Variants in CDH23 observed in about 807,000 individuals in gnomAD.
The protein encoded by CDH23 is cadherin-23.
Under a neutral mutation model 317.1 loss-of-function variants are expected in CDH23, and 189 were observed. That is an observed-to-expected ratio of 0.60 (90% CI 0.53 to 0.67). The LOEUF (loss-of-function observed/expected upper bound fraction) is 0.67, where lower values mean the gene tolerates loss of function less well. Ranked by LOEUF, CDH23 falls within the 30% of genes least tolerant of loss-of-function variation. CDH23 has a pLI of 0.00. For synonymous variants in CDH23, 1,839 were observed against 1,876.8 expected (o/e 0.98, Z 0.52); for missense variants, 4,401 against 4,592.4 (o/e 0.96, Z 1.20).
rs775091135 is a variant in CDH23 at position 71,617,321 on chromosome 10, C to T, written c.1062C>T (p.Ser354=). The change falls in exon 11 of 70, where the codon AGC becomes AGT. Residue 354 remains serine, a synonymous_variant. Coordinates refer to ENST00000224721, the MANE Select transcript of CDH23 (RefSeq NM_022124.6). ...CGGAGTTCAACAGCTCCGAGTACAG[C>T]GTGGCCATCACTGAGCTGGCACAGG... ...NAPEFNSSEY[S]VAITELAQVG... 53 of 1,613,986 alleles carry T rather than the reference C, an allele frequency of 3.3e-5. No homozygotes were observed. The highest frequency in any genetic ancestry group is 1.0e-4 in the Admixed American group (6 of 60,022).
intron 9 of CDH23, among the ~76,000 whole-genome samples, chr10:71,612,351 C>T (rs1211203220): frequency 6.6e-6 from 1 of 151,622 alleles, no homozygotes; most frequent in Non-Finnish European, 1.5e-5. Context: ...CATGGGGTGT[C>T]TTATGTGCTG....
At chr10:71,760,101 A>G (rs898085761) in intron 38 of CDH23, among the ~76,000 whole-genome samples, 3 of 134,018 alleles carry the variant, frequency 2.2e-5, no homozygotes, top group Non-Finnish European at 4.9e-5. Context: ...ATACACACAC[A>G]CATACATACA....
At chr10:71,709,350 A>C in intron 27 of CDH23, 139 bp downstream of exon 27, 2 of 685,692 alleles carry the variant, frequency 2.9e-6, no homozygotes, top group Non-Finnish European at 4.9e-6. Flanking sequence ...CACTCACCAA[A>C]CATTACTCAG....
chr10:71,400,598 G>A (rs909058756), intron 1 of CDH23, among the ~76,000 whole-genome samples: 6 of 152,306 alleles, frequency 3.9e-5, no homozygotes, highest in African/African-American at 1.4e-4. Context: ...CCAGGAGTTT[G>A]AGACCAGCTT....
chr10:71,727,848 A>G (rs1866886008), intron 30 of CDH23, among the ~76,000 whole-genome samples: 1 of 152,226 alleles, frequency 6.6e-6, no homozygotes, highest in South Asian at 2.1e-4. Context: ...CCACTTGCTC[A>G]GCAAGAACCT....
chr10:71,487,441 A>G (rs114740379), intron 3 of CDH23, among the ~76,000 whole-genome samples: 1,613 of 152,260 alleles, frequency 0.011, 21 homozygotes, highest in African/African-American at 0.031. Flanking sequence ...GCTTACATGG[A>G]CGTGACATAA....
At chr10:71,649,822 G>A (rs1019708404) in intron 14 of CDH23, among the ~76,000 whole-genome samples, 1 of 152,248 alleles carries the variant, frequency 6.6e-6, no homozygotes, top group African/African-American at 2.4e-5. Flanking sequence ...AGGGCCAACT[G>A]TATCTCTAAC....
intron 17 of CDH23, 99 bp from the exon 18 acceptor site, chr10:71,682,346 C>A (rs1564729600): frequency 1.3e-5 from 19 of 1,485,460 alleles, no homozygotes; most frequent in Admixed American, 5.9e-5. Flanking sequence ...CTGGCCCGGG[C>A]CATGCCAGCC....
chr10:71,741,947 A>T (rs927338937), intron 38 of CDH23, 26 bp downstream of exon 38: 5 of 1,541,404 alleles, frequency 3.2e-6, no homozygotes, highest in Non-Finnish European at 4.4e-6. Flanking sequence ...GGCCACAGGG[A>T]GGAGCGGGTG....
At chr10:71,463,774 G>A (rs757510107) in intron 3 of CDH23, among the ~76,000 whole-genome samples, 27 of 152,162 alleles carry the variant, frequency 1.8e-4, no homozygotes, top group Non-Finnish European at 1.5e-4. Flanking sequence ...GAAATTTGTC[G>A]GCTGAGTTTC....
chr10:71,560,062 C>T (rs955550378), intron 6 of CDH23, among the ~76,000 whole-genome samples: 1 of 152,342 alleles, frequency 6.6e-6, no homozygotes, highest in East Asian at 1.9e-4. Context: ...GAGAAAGAAA[C>T]ATAGCCCACC....
At position 71,815,041 on chromosome 10, in the gene CDH23, C is replaced by T. The variant is rs1312786837; in HGVS notation, c.9828C>T (p.Leu3276=). Residue 3276 remains leucine (L), a synonymous_variant, in exon 70 of 70, where the codon CTC becomes CTT. Transcript: ENST00000224721. ...LRFRHKPPVE[L]KGPDGIHVVH... ...TCCGCCACAAGCCACCAGTGGAGCT[C>T]AAGGGGCCCGATGGGATCCATGTGG... The T allele has an allele frequency of 6.2e-7, 1 of 1,612,566 alleles. No homozygotes were observed. Among genetic ancestry groups the T allele is most frequent in the African/African-American group, 1.3e-5 (1 of 74,944 alleles).
Position 71,646,605 on chromosome 10 carries a change from G to GCTGA in CDH23, c.1439_1442dup (p.Val482AspfsTer6). 6.2e-7 allele frequency: 1 copy of GCTGA among 1,614,026 alleles called. No homozygotes were observed. The highest frequency in any genetic ancestry group is 8.5e-7 in the Non-Finnish European group (1 of 1,179,900). On this transcript the variant is annotated frameshift_variant, in exon 14 of 70. Coordinates refer to ENST00000224721, the MANE Select transcript of CDH23 (RefSeq NM_022124.6). LOFTEE classifies it high-confidence loss of function. ...AGAACGTCACCGTGGGGACCTCTGT[G>GCTGA]CTGACAGTCCTGGTGAGTCCCCGCT...
intron 38 of CDH23, 53 bp downstream of exon 38, chr10:71,741,974 C>A (rs758838513): frequency 1.8e-5 from 25 of 1,406,112 alleles, no homozygotes; most frequent in South Asian, 5.3e-5. Flanking sequence ...GGCAGCTCCG[C>A]CTCCGAGTGA....
chr10:71,656,914 C>T (rs1055207000), intron 14 of CDH23, among the ~76,000 whole-genome samples: 2 of 151,870 alleles, frequency 1.3e-5, no homozygotes, highest in Admixed American at 6.6e-5. Flanking sequence ...GGAGAATAGG[C>T]GGGGGGTAGG....
At chr10:71,581,641 C>A (rs962347949) in intron 9 of CDH23, among the ~76,000 whole-genome samples, 3 of 152,368 alleles carry the variant, frequency 2.0e-5, no homozygotes, top group Admixed American at 6.5e-5. Context: ...GTTCTCAGCC[C>A]TTTGTGGCCA....
chr10:71,752,658 C>T (rs969564993), intron 38 of CDH23, among the ~76,000 whole-genome samples: 6 of 152,168 alleles, frequency 3.9e-5, no homozygotes, highest in African/African-American at 1.4e-4. Flanking sequence ...GGGGCTGGGC[C>T]CGCTGGCCTC....
At chr10:71,447,360 C>T (rs1182944991) in intron 3 of CDH23, among the ~76,000 whole-genome samples, 1 of 152,158 alleles carries the variant, frequency 6.6e-6, no homozygotes, top group East Asian at 1.9e-4. Context: ...CATAATTCTT[C>T]AACGATCTCT....
At chr10:71,679,302 C>A in intron 16 of CDH23, 85 bp from the exon 17 acceptor site, 3 of 894,332 alleles carry the variant, frequency 3.4e-6, no homozygotes, top group Non-Finnish European at 5.5e-6. Context: ...CAGGGCCAGT[C>A]TTCCCCACCC....
Sources: gnomAD v4.1 joint callset for allele counts (sites outside exome capture counted in the v4.1 genomes callset) on GRCh38, gnomAD v4.1.1 for gene constraint, MANE v1.5 for transcripts, NCBI Gene and HGNC (gene_info 2026-07-23, HGNC 2026-07-21) for gene names.